CTNNA3: variants seen among roughly 807,000 people sequenced by gnomAD.
The protein encoded by CTNNA3 is catenin alpha-3.
Under a neutral mutation model 95.7 loss-of-function variants are expected in CTNNA3, and 76 were observed. That is an observed-to-expected ratio of 0.79 (90% CI 0.66 to 0.96). CTNNA3 has a LOEUF of 0.96. Ranked by LOEUF, CTNNA3 falls within the 40% of genes least tolerant of loss-of-function variation. The probability of loss-of-function intolerance (pLI) is 0.00; values close to 1 mark genes in which losing one functional copy is unlikely to be tolerated. For synonymous variants in CTNNA3, 431 were observed against 374.4 expected (o/e 1.15, Z -1.74); for missense variants, 1,191 against 1,089.8 (o/e 1.09, Z -1.31).
chr10:67,101,812 G>A (rs1423417148), intron 7 of CTNNA3, among the ~76,000 whole-genome samples: 2 of 151,682 alleles, frequency 1.3e-5, no homozygotes, highest in African/African-American at 4.8e-5. Context: ...GTTTTTGATT[G>A]TTCCTGACTA....
In CTNNA3 at chr10:66,498,826, G is replaced by A. The variant is rs1840183398; in HGVS notation, c.1531+21791C>T. Among the ~76,000 whole-genome samples the A allele has an allele frequency of 3.3e-5, 5 of 152,302 alleles. No individual in the cohort carries two copies. The South Asian group carries it at 1.0e-3, about 32-fold the overall frequency. On this transcript the variant is annotated intron_variant, in intron 11 of 17. Coordinates refer to ENST00000433211, the MANE Select transcript of CTNNA3 (RefSeq NM_013266.4). ...TAATTTTTGCAGTCTAACTAGAATA[G>A]TTATGCTACATACATACATCTGGCT... is the stretch of plus-strand genomic sequence containing the variant.
At chr10:66,410,569 T>C (rs1035301304) in intron 11 of CTNNA3, among the ~76,000 whole-genome samples, 3 of 152,192 alleles carry the variant, frequency 2.0e-5, no homozygotes, top group African/African-American at 7.2e-5. Flanking sequence ...CCTCAGTCCT[T>C]GAGATGAGGC....
chr10:66,374,615 T>C (rs2092780515), intron 12 of CTNNA3, among the ~76,000 whole-genome samples: 1 of 119,804 alleles, frequency 8.3e-6, no homozygotes. Flanking sequence ...CCTTTTTTTT[T>C]TTTTTTTTTT....
intron 12 of CTNNA3, among the ~76,000 whole-genome samples, chr10:66,329,457 C>T (rs2092298187): frequency 6.6e-6 from 1 of 151,956 alleles, no homozygotes; most frequent in South Asian, 2.1e-4. Context: ...CTGTGGCCTA[C>T]TCAAATGAAC....
At chr10:67,402,071 G>C (rs1251636666) in intron 5 of CTNNA3, among the ~76,000 whole-genome samples, 6 of 152,134 alleles carry the variant, frequency 3.9e-5, no homozygotes, top group African/African-American at 1.4e-4. Flanking sequence ...TAGCTCCCCA[G>C]AAATGTTTCC....
chr10:66,419,475 C>A (rs572987750), intron 11 of CTNNA3, among the ~76,000 whole-genome samples: 1 of 152,084 alleles, frequency 6.6e-6, no homozygotes, highest in East Asian at 1.9e-4. Flanking sequence ...CATAAACAAC[C>A]TAAAGACTCA....
intron 11 of CTNNA3, among the ~76,000 whole-genome samples, chr10:66,477,966 C>A (rs1839386001): frequency 1.3e-5 from 2 of 152,030 alleles, no homozygotes; most frequent in South Asian, 2.1e-4. Context: ...TTGTGTGAGT[C>A]AGACACTGCT....
intron 15 of CTNNA3, among the ~76,000 whole-genome samples, chr10:66,013,639 C>A (rs1185046300): frequency 6.6e-6 from 1 of 152,074 alleles, no homozygotes; most frequent in East Asian, 1.9e-4. Flanking sequence ...AAATATTTTT[C>A]TATTGATATA....
chr10:67,154,859 C>A lies in CTNNA3; in HGVS notation c.1047+25458G>T, dbSNP rs61742655. 5.9e-3 allele frequency among the ~76,000 whole-genome samples: 900 copies of A among 152,252 alleles called. 8 individuals carry two copies. Among genetic ancestry groups the A allele is most frequent in the African/African-American group, 0.021 (859 of 41,560 alleles). ...TTCCAGAATTCACGGGCACTGAGCT[C>A]TTTTCCCCAGGAGGATGTCTGCATA... On this transcript the variant is annotated intron_variant, in intron 7 of 17. Coordinates refer to ENST00000433211, the MANE Select transcript of CTNNA3 (RefSeq NM_013266.4).
intron 14 of CTNNA3, among the ~76,000 whole-genome samples, chr10:66,075,781 G>A (rs529047161): frequency 3.7e-4 from 56 of 151,670 alleles, no homozygotes; most frequent in Non-Finnish European, 7.8e-4. Flanking sequence ...CAGCTGGCTA[G>A]TGACAGATGT....
chr10:67,539,955 A>C (rs1009639281), intron 3 of CTNNA3, among the ~76,000 whole-genome samples: 1 of 152,158 alleles, frequency 6.6e-6, no homozygotes, highest in Non-Finnish European at 1.5e-5. Flanking sequence ...CATTTGCTGA[A>C]TCTCATTTCT....
intron 1 of CTNNA3, among the ~76,000 whole-genome samples, chr10:67,753,102 T>C (rs778545991): frequency 2.2e-4 from 33 of 152,182 alleles, no homozygotes; most frequent in Middle Eastern, 6.8e-3. Context: ...CAAAACAGCA[T>C]GGAACCGGTA....
At chr10:67,588,419 G>T (rs1842698315) in intron 3 of CTNNA3, among the ~76,000 whole-genome samples, 1 of 151,930 alleles carries the variant, frequency 6.6e-6, no homozygotes, top group African/African-American at 2.4e-5. Flanking sequence ...GGCTTTGCTT[G>T]TGTGTGTGTG....
chr10:66,350,438 A>G (rs2092558113), intron 12 of CTNNA3, among the ~76,000 whole-genome samples: 2 of 152,226 alleles, frequency 1.3e-5, no homozygotes, highest in Non-Finnish European at 1.5e-5. Context: ...TCTTTTCCCA[A>G]TCAAAAATAG....
chr10:66,928,055 T>TTAA lies in CTNNA3; in HGVS notation c.1048-152534_1048-152532dup, dbSNP rs762128789. ...GCCAGGGCTCTCCCAAAGCCGACGT[T>TTAA]TAAGCCCAAGCTCCCCAGGCCGAAG... is the stretch of plus-strand genomic sequence containing the variant. On this transcript the variant is annotated intron_variant, in intron 7 of 17. Transcript: ENST00000433211. 4 of 1,614,044 alleles carry TTAA rather than the reference T, an allele frequency of 2.5e-6. No individual in the cohort carries two copies. In the Admixed American group the frequency reaches 5.0e-5, roughly 20 times the overall value.
intron 1 of CTNNA3, among the ~76,000 whole-genome samples, chr10:67,677,414 G>A (rs571834546): frequency 1.4e-4 from 21 of 152,216 alleles, no homozygotes; most frequent in African/African-American, 5.1e-4. Context: ...AATCAAGAGT[G>A]TGTCCTGTAT....
intron 9 of CTNNA3, among the ~76,000 whole-genome samples, chr10:66,655,096 CA>C (rs1289327505): frequency 4.6e-5 from 7 of 151,814 alleles, no homozygotes; most frequent in South Asian, 2.1e-4. Flanking sequence ...GTTCTTACCA[CA>C]AAAAAATGTT....
chr10:67,428,031 C>G (rs767007983), intron 5 of CTNNA3, among the ~76,000 whole-genome samples: 3 of 152,092 alleles, frequency 2.0e-5, no homozygotes, highest in Admixed American at 6.6e-5. Context: ...CATAGAAATT[C>G]AGTCCACTCT....
At chr10:67,571,173 A>G (rs943448395) in intron 3 of CTNNA3, among the ~76,000 whole-genome samples, 11 of 152,172 alleles carry the variant, frequency 7.2e-5, no homozygotes, top group Admixed American at 6.5e-4. Flanking sequence ...TGATGAGATA[A>G]TGCACATAAG....
Sources: gnomAD v4.1 joint callset for allele counts (sites outside exome capture counted in the v4.1 genomes callset) on GRCh38, gnomAD v4.1.1 for gene constraint, MANE v1.5 for transcripts, NCBI Gene and HGNC (gene_info 2026-07-23, HGNC 2026-07-21) for gene names.